The following RGS22 variants were observed in gnomAD, a reference collection of about 807,000 sequenced individuals.
RGS22 encodes regulator of G protein signaling 22, also known as regulator of G-protein signaling 22.
Under a neutral mutation model 172.9 loss-of-function variants are expected in RGS22, and 148 were observed. The observed-to-expected ratio is 0.86, with a 90% confidence interval of 0.75 to 0.98. The LOEUF (loss-of-function observed/expected upper bound fraction) is 0.98. Among genes scored for constraint, RGS22 ranks in the 50% least tolerant of loss-of-function variants. The probability of loss-of-function intolerance (pLI) is 0.00; values close to 1 mark genes in which losing one functional copy is unlikely to be tolerated. For synonymous variants in RGS22, 458 were observed against 480.2 expected, an observed-to-expected ratio of 0.95 and a Z score of 0.60; for missense variants, 1,347 against 1,440.8, an observed-to-expected ratio of 0.93 and a Z score of 1.05.
chr8:100,102,814 G>A (rs1410601703), intron 2 of RGS22, among the ~76,000 whole-genome samples: 1 of 152,230 alleles, frequency 6.6e-6, no homozygotes, highest in Admixed American at 6.5e-5. Context: ...CTTTATCACA[G>A]AGAAAAGCAT....
At chr8:99,980,360 T>C (rs1812422228) in intron 22 of RGS22, among the ~76,000 whole-genome samples, 1 of 152,018 alleles carries the variant, frequency 6.6e-6, no homozygotes, top group South Asian at 2.1e-4. Flanking sequence ...TAATACATTA[T>C]GAGTCATGTT....
At chr8:100,065,556 C>T (rs1323048708) in intron 7 of RGS22, among the ~76,000 whole-genome samples, 1 of 152,160 alleles carries the variant, frequency 6.6e-6, no homozygotes, top group Non-Finnish European at 1.5e-5. Flanking sequence ...TGAGTCCTCA[C>T]ACTTAAGTTT....
At chr8:100,012,978 ATTTTTTTTT>A (rs35339430) in intron 14 of RGS22, among the ~76,000 whole-genome samples, 24 of 88,748 alleles carry the variant, frequency 2.7e-4, no homozygotes, top group Admixed American at 1.5e-4. Context: ...AACGCCTTTG[ATTTTTTTTT>A]TTTTTTTTTT....
intron 2 of RGS22, among the ~76,000 whole-genome samples, chr8:100,097,338 A>T (rs28573691): frequency 0.046 from 7,034 of 152,258 alleles, 532 homozygotes; most frequent in African/African-American, 0.16. Context: ...AGAATCATAA[A>T]CTAATATTGA....
At chr8:99,967,138 C>T (rs891836504) in intron 23 of RGS22, among the ~76,000 whole-genome samples, 3 of 152,170 alleles carry the variant, frequency 2.0e-5, no homozygotes, top group African/African-American at 7.2e-5. Flanking sequence ...AACTCCCTCC[C>T]CTAGCCAAGG....
chr8:100,087,647 C>A (rs1812262906), intron 3 of RGS22, among the ~76,000 whole-genome samples: 1 of 152,102 alleles, frequency 6.6e-6, no homozygotes, highest in Non-Finnish European at 1.5e-5. Flanking sequence ...AATACATGTT[C>A]ATCTCTGCTC....
intron 2 of RGS22, among the ~76,000 whole-genome samples, chr8:100,101,093 G>T (rs946133727): frequency 2.0e-5 from 3 of 152,038 alleles, no homozygotes; most frequent in Non-Finnish European, 4.4e-5. Context: ...TTGCATAGTT[G>T]CAAACTAACT....
At chr8:99,984,347 G>A (rs1812848188) in intron 21 of RGS22, among the ~76,000 whole-genome samples, 1 of 152,120 alleles carries the variant, frequency 6.6e-6, no homozygotes. Flanking sequence ...CCTAACTATG[G>A]AATATAAGGC....
At chr8:99,995,104 C>A (rs1269774420) in intron 20 of RGS22, among the ~76,000 whole-genome samples, 1 of 152,162 alleles carries the variant, frequency 6.6e-6, no homozygotes, top group Admixed American at 6.5e-5. Flanking sequence ...ACACCTTATA[C>A]AAAAATTAAT....
chr8:100,044,439 G>T (rs557732277), intron 11 of RGS22, among the ~76,000 whole-genome samples: 5 of 152,200 alleles, frequency 3.3e-5, no homozygotes, highest in Non-Finnish European at 7.4e-5. Context: ...TAGAGACGGG[G>T]TTTCACCATG....
chr8:100,072,864 A>G (rs1811087620), intron 4 of RGS22, among the ~76,000 whole-genome samples: 1 of 152,192 alleles, frequency 6.6e-6, no homozygotes, highest in Admixed American at 6.5e-5. Flanking sequence ...TGAGCAGGGA[A>G]GCAAAAGAGG....
chr8:100,097,321 C>T (rs1009526435), intron 2 of RGS22, among the ~76,000 whole-genome samples: 2 of 152,080 alleles, frequency 1.3e-5, no homozygotes, highest in Admixed American at 6.6e-5. Flanking sequence ...AATTGTGCAT[C>T]AACAAAAGAA....
intron 23 of RGS22, among the ~76,000 whole-genome samples, chr8:99,969,929 A>C (rs528276844): frequency 6.6e-6 from 1 of 152,350 alleles, no homozygotes; most frequent in African/African-American, 2.4e-5. Flanking sequence ...CAGAATATAC[A>C]TTCTTCTCAG....
At position 100,051,510 on chromosome 8, in the gene RGS22, TA is replaced by T. The variant is rs1192998881; in HGVS notation, c.1689+1291del. Among the ~76,000 whole-genome samples, 6 of 20,198 alleles carry T rather than the reference TA, an allele frequency of 3.0e-4. 2 individuals carry two copies. The highest frequency in any genetic ancestry group is 3.4e-3 in the East Asian group (2 of 592). The allele number at this position is 20,198 out of a possible 152,430, so 13.3% of individuals were successfully genotyped here. A position where few individuals can be genotyped will look rare whatever the true frequency, so the allele number is the denominator to read the frequency against. On this transcript the variant is annotated intron_variant, in intron 10 of 27. Coordinates refer to ENST00000360863, the MANE Select transcript of RGS22 (RefSeq NM_015668.5). The stretch of plus-strand genomic sequence containing the variant: ...ATATATAATATATAATAAATATATA[TA>T]AATATATTTTTATATATTTATACAT...
intron 23 of RGS22, among the ~76,000 whole-genome samples, chr8:99,969,403 T>C (rs1011734036): frequency 1.3e-5 from 2 of 152,120 alleles, no homozygotes; most frequent in African/African-American, 4.8e-5. Context: ...ATTAACCTTA[T>C]GTAAATAGGC....
At chr8:100,100,157 G>C (rs924474120) in intron 2 of RGS22, among the ~76,000 whole-genome samples, 4 of 152,132 alleles carry the variant, frequency 2.6e-5, no homozygotes, top group Non-Finnish European at 4.4e-5. Flanking sequence ...AAATGGCATA[G>C]TATTTGCATA....
intron 23 of RGS22, among the ~76,000 whole-genome samples, chr8:99,976,419 T>C (rs1026539353): frequency 1.4e-4 from 22 of 152,266 alleles, no homozygotes; most frequent in Admixed American, 1.4e-3. Context: ...TGGAGTGCAG[T>C]GGCGCCATCT....
intron 9 of RGS22, among the ~76,000 whole-genome samples, chr8:100,058,056 C>G (rs1451290496): frequency 6.6e-6 from 1 of 151,580 alleles, no homozygotes; most frequent in Non-Finnish European, 1.5e-5. Flanking sequence ...AATTCTGGAG[C>G]TGAAAAATGC....
chr8:100,051,425 T>TATATATATTTA, intron 10 of RGS22, among the ~76,000 whole-genome samples: 1 of 113,046 alleles, frequency 8.8e-6, no homozygotes, highest in Non-Finnish European at 1.7e-5. Flanking sequence ...TATATATACA[T>TATATATATTTA]TTATATATTT....
Sources: gnomAD v4.1 joint callset for allele counts (sites outside exome capture counted in the v4.1 genomes callset) on GRCh38, gnomAD v4.1.1 for gene constraint, MANE v1.5 for transcripts, NCBI Gene and HGNC (gene_info 2026-07-23, HGNC 2026-07-21) for gene names.